The following TNFRSF1B variants were observed in gnomAD, a reference collection of about 807,000 sequenced individuals.
TNFRSF1B encodes TNF receptor superfamily member 1B.
TNFRSF1B carries 19 observed loss-of-function variants against 44.6 expected under a neutral mutation model. The observed-to-expected ratio is 0.43, with a 90% CI of 0.30 to 0.62. The LOEUF (loss-of-function observed/expected upper bound fraction) is 0.62, where lower values mean the gene tolerates loss of function less well. Ranked by LOEUF, TNFRSF1B falls within the 20% of genes least tolerant of loss-of-function variation. The pLI, the probability that TNFRSF1B is intolerant of heterozygous loss-of-function variation, is 0.16. For synonymous variants in TNFRSF1B, 252 were observed against 261.1 expected (o/e 0.97, Z 0.34); for missense variants, 541 against 619.9 (o/e 0.87, Z 1.35).
At position 12,183,826 on chromosome 1, in the gene TNFRSF1B, CCTAT is replaced by C. The variant is rs111395466; in HGVS notation, c.79-4946_79-4943del. On this transcript the variant is annotated intron_variant, in intron 1 of 9. Coordinates refer to ENST00000376259, the MANE Select transcript of TNFRSF1B (RefSeq NM_001066.3). ...TCTAGCTATCTATCTATTCTATCTA[CCTAT>C]CTATCTATCTATCTATCTATCTACC... Among the ~76,000 whole-genome samples the C allele has an allele frequency of 5.1e-3, 632 of 124,446 alleles. 40 individuals are homozygous for C. The highest frequency in any genetic ancestry group is 8.1e-3 in the Non-Finnish European group (449 of 55,176). 81.6% of individuals were successfully genotyped at this position (124,446 alleles called of 152,430 possible).
rs144354089 is a variant in TNFRSF1B, at chr1:12,168,855, C to T, written c.78+1686C>T. Among the ~76,000 whole-genome samples, 73 of 152,292 alleles carry T rather than the reference C, an allele frequency of 4.8e-4. No homozygotes were observed. Among genetic ancestry groups the T allele is most frequent in the African/African-American group, 1.8e-3 (73 of 41,562 alleles). On this transcript the variant is annotated intron_variant, in intron 1 of 9. Transcript: ENST00000376259. This position sits in a 1 kb window ranked among gnomAD's most constrained non-coding sequence, Gnocchi z 4.7. ...GAGACCCTTCTCAAGCATGAGGCAC[C>T]TCTCTGTTTGCCTGGGGAGCCTCCT...
At position 12,167,189 on chromosome 1, in the gene TNFRSF1B, C is replaced by G. The variant is rs1218266488; in HGVS notation, c.78+20C>G. The G allele has an allele frequency of 6.4e-6, 8 of 1,255,402 alleles. No individual in the cohort carries two copies. The highest frequency in any genetic ancestry group is 8.0e-6 in the Non-Finnish European group (8 of 998,472). 77.8% of individuals were successfully genotyped at this position (1,255,402 alleles called of 1,614,324 possible). Reference sequence around the variant, plus strand: ...GCCCAGGTGGGTGACTCGCGCGGCCCACGGGGGACAGCCGCCCCGCATGTC... The same window carrying G: ...GCCCAGGTGGGTGACTCGCGCGGCCGACGGGGGACAGCCGCCCCGCATGTC... On this transcript the variant is annotated intron_variant, in intron 1 of 9. Coordinates refer to ENST00000376259, the MANE Select transcript of TNFRSF1B (RefSeq NM_001066.3).
chr1:12,203,083 T>G (rs1639427173), intron 9 of TNFRSF1B, among the ~76,000 whole-genome samples: 1 of 152,246 alleles, frequency 6.6e-6, no homozygotes, highest in Admixed American at 6.5e-5. Context: ...GTACAGGGTC[T>G]GCTGGCCTGT....
chr1:12,191,560 G>T (rs928753854), intron 3 of TNFRSF1B, among the ~76,000 whole-genome samples: 2 of 148,262 alleles, frequency 1.3e-5, no homozygotes, highest in Admixed American at 1.3e-4. Flanking sequence ...GGACTGCGGA[G>T]AGTAGCGGGA....
chr1:12,171,488 C>A lies in TNFRSF1B; in HGVS notation c.78+4319C>A, dbSNP rs1309748216. Among the ~76,000 whole-genome samples the A allele has an allele frequency of 6.6e-6, 1 of 152,186 alleles. No homozygotes were observed. Among genetic ancestry groups the A allele is most frequent in the Non-Finnish European group, 1.5e-5 (1 of 68,036 alleles). On this transcript the variant is annotated intron_variant, in intron 1 of 9. Transcript: ENST00000376259. The surrounding 1 kb of genome is among the most constrained non-coding windows in gnomAD (Gnocchi z 4.5). ...GTAGACAATCCTGCCTGTAGGTGCTCCCTGCCAGGCACTCTCACTCCCTGA... is the reference window on the plus strand; with the variant it reads ...GTAGACAATCCTGCCTGTAGGTGCTACCTGCCAGGCACTCTCACTCCCTGA...
At chr1:12,173,340 T>C (rs1638562777) in intron 1 of TNFRSF1B, among the ~76,000 whole-genome samples, 1 of 152,102 alleles carries the variant, frequency 6.6e-6, no homozygotes, top group Non-Finnish European at 1.5e-5. Flanking sequence ...ACTGTCAATA[T>C]CTTGGTTCCC....
rs188153303 is a variant in TNFRSF1B, at chr1:12,205,660, C to T, written c.1106-1080C>T. On this transcript the variant is annotated intron_variant, in intron 9 of 9. Coordinates refer to ENST00000376259, the MANE Select transcript of TNFRSF1B (RefSeq NM_001066.3). ...TTTTTGAGATGGAGTTTGGCTCTTT[C>T]GCCCAGGCTGGAGTGAAGTGACGTG... Among the ~76,000 whole-genome samples, 19 of 152,254 alleles carry T rather than the reference C, an allele frequency of 1.2e-4. No homozygotes were observed. In the East Asian group the frequency reaches 2.3e-3, roughly 19 times the overall value.
chr1:12,198,691 G>GTTTTTTTTTTTTTTTTTTTTTT (rs60313758), intron 8 of TNFRSF1B, among the ~76,000 whole-genome samples: 1 of 85,632 alleles, frequency 1.2e-5, no homozygotes, highest in Non-Finnish European at 2.2e-5. Context: ...CTGGAATTCT[G>GTTTTTTTTTTTTTTTTTTTTTT]TTTTTTTTTT....
chr1:12,193,849 C>A, intron 6 of TNFRSF1B, 106 bp from the exon 7 acceptor site: 1 of 801,794 alleles, frequency 1.2e-6, no homozygotes, highest in South Asian at 1.5e-5. Flanking sequence ...ACTCGCCCCT[C>A]ATTTGCAATG....
rs555160047 is a variant in TNFRSF1B, at chr1:12,207,069, A to T, written c.*49A>T. ...TAGCCAAGGTGGGCTGAGCCCTGGC[A>T]GGATGACCCTGCGAAGGGGCCCTGG... is the stretch of plus-strand genomic sequence containing the variant. On this transcript the variant is annotated 3_prime_UTR_variant, in exon 10 of 10. Coordinates refer to ENST00000376259, the MANE Select transcript of TNFRSF1B (RefSeq NM_001066.3). The T allele has an allele frequency of 9.6e-5, 145 of 1,514,208 alleles. 1 individual carries two copies. The South Asian group carries it at 1.8e-3, about 19-fold the overall frequency. The allele number at this position is 1,514,208 out of a possible 1,614,324, so 93.8% of individuals were successfully genotyped here. A position where few individuals can be genotyped will look rare whatever the true frequency, so the allele number is the denominator to read the frequency against.
rs979689377 is a variant in TNFRSF1B at position 12,171,192 on chromosome 1, T to C, written c.78+4023T>C. 6.6e-6 allele frequency among the ~76,000 whole-genome samples: 1 copy of C among 151,756 alleles called. No individual in the cohort carries two copies. Among genetic ancestry groups the C allele is most frequent in the Non-Finnish European group, 1.5e-5 (1 of 67,926 alleles). Reference sequence around the variant, plus strand: ...TAATTTTTCCTTTTTTTTTTTTTTTTTAGTAGAGACCGGGTTTTGCCATGT... The same window carrying C: ...TAATTTTTCCTTTTTTTTTTTTTTTCTAGTAGAGACCGGGTTTTGCCATGT... On this transcript the variant is annotated intron_variant, in intron 1 of 9. Transcript: ENST00000376259. This position sits in a 1 kb window ranked among gnomAD's most constrained non-coding sequence, Gnocchi z 4.5.
At chr1:12,203,033 C>G (rs1639426218) in intron 9 of TNFRSF1B, among the ~76,000 whole-genome samples, 1 of 152,230 alleles carries the variant, frequency 6.6e-6, no homozygotes, top group African/African-American at 2.4e-5. Flanking sequence ...AGATGTCACT[C>G]CTGGTTGGCA....
intron 1 of TNFRSF1B, among the ~76,000 whole-genome samples, chr1:12,185,019 C>G (rs961166301): frequency 7.2e-5 from 11 of 152,162 alleles, no homozygotes; most frequent in African/African-American, 2.4e-4. Context: ...AGCCCCTGCC[C>G]TTGGGGAAGC....
rs952962520 is a variant in TNFRSF1B, at chr1:12,169,464, C to A, written c.78+2295C>A. Reference sequence around the variant, plus strand: ...TTTCCCAGGATCACAGAGCTGGGGGCCGGGGAGCTGGGGGTGGGATTTGAA... The same window carrying A: ...TTTCCCAGGATCACAGAGCTGGGGGACGGGGAGCTGGGGGTGGGATTTGAA... On this transcript the variant is annotated intron_variant, in intron 1 of 9. Coordinates refer to ENST00000376259, the MANE Select transcript of TNFRSF1B (RefSeq NM_001066.3). The surrounding 1 kb of genome is among the most constrained non-coding windows in gnomAD (Gnocchi z 4.5). 6.6e-6 allele frequency among the ~76,000 whole-genome samples: 1 copy of A among 152,134 alleles called. No individual in the cohort carries two copies. The highest frequency in any genetic ancestry group is 2.4e-5 in the African/African-American group (1 of 41,426).
rs1004950055 is a variant in TNFRSF1B, at chr1:12,178,812, C to T, written c.79-9984C>T. Among the ~76,000 whole-genome samples the T allele has an allele frequency of 6.6e-6, 1 of 151,972 alleles. No individual in the cohort carries two copies. Among genetic ancestry groups the T allele is most frequent in the Non-Finnish European group, 1.5e-5 (1 of 67,980 alleles). On this transcript the variant is annotated intron_variant, in intron 1 of 9. Coordinates refer to ENST00000376259, the MANE Select transcript of TNFRSF1B (RefSeq NM_001066.3). This position sits in a 1 kb window ranked among gnomAD's most constrained non-coding sequence, Gnocchi z 4.3. ...GATGAATACAGGTGGGAGATGCTGG[C>T]AGGGGCTAAGGAGGTTGCGCAGGTG... is the stretch of plus-strand genomic sequence containing the variant.
chr1:12,174,880 G>A (rs931305589), intron 1 of TNFRSF1B, among the ~76,000 whole-genome samples: 3 of 152,220 alleles, frequency 2.0e-5, no homozygotes, highest in Non-Finnish European at 4.4e-5. Context: ...GGTCCCTTTC[G>A]GAGCTGGGGC....
chr1:12,200,141 C>T (rs1338093043), intron 8 of TNFRSF1B, among the ~76,000 whole-genome samples: 1 of 152,152 alleles, frequency 6.6e-6, no homozygotes. Flanking sequence ...CTCAATCTCT[C>T]CGTGCCTCAG....
chr1:12,184,554 A>G (rs562594052), intron 1 of TNFRSF1B, among the ~76,000 whole-genome samples: 5 of 152,238 alleles, frequency 3.3e-5, no homozygotes, highest in Admixed American at 3.3e-4. Flanking sequence ...CAGACAAGAG[A>G]GGAACCTGGA....
chr1:12,195,546 A>G (rs1191364823), intron 8 of TNFRSF1B, among the ~76,000 whole-genome samples: 1 of 152,152 alleles, frequency 6.6e-6, no homozygotes, highest in Non-Finnish European at 1.5e-5. Context: ...CAGGTCAGCC[A>G]TGGTGCCCTT....
Sources: gnomAD v4.1 joint callset for allele counts (sites outside exome capture counted in the v4.1 genomes callset) on GRCh38, gnomAD v4.1.1 for gene constraint, Gnocchi (gnomAD v3.1) non-coding constraint, MANE v1.5 for transcripts, NCBI Gene and HGNC (gene_info 2026-07-23, HGNC 2026-07-21) for gene names.